Variants in HCRTR2 observed in about 807,000 individuals in gnomAD.
The protein encoded by HCRTR2 is hypocretin receptor 2, also known as orexin receptor type 2.
HCRTR2 carries 22 observed loss-of-function variants against 49.0 expected under a neutral mutation model. That is an observed-to-expected ratio of 0.45 (90% CI 0.32 to 0.64). The LOEUF is 0.64. HCRTR2 is among the 30% of genes least tolerant of loss of function. The probability of loss-of-function intolerance (pLI) is 0.04; values close to 1 mark genes in which losing one functional copy is unlikely to be tolerated. For missense variants in HCRTR2, 491 were observed against 559.4 expected (o/e 0.88, Z 1.23); for synonymous variants, 236 against 205.3 (o/e 1.15, Z -1.28).
intron 1 of HCRTR2, among the ~76,000 whole-genome samples, chr6:55,130,506 T>A (rs1204489081): frequency 6.6e-6 from 1 of 151,854 alleles, no homozygotes; most frequent in Non-Finnish European, 1.5e-5. Context: ...ACATGGGCTA[T>A]GGGTTGTCTT....
intron 1 of HCRTR2, among the ~76,000 whole-genome samples, chr6:55,212,048 A>T (rs1482760644): frequency 6.6e-6 from 1 of 152,184 alleles, no homozygotes; most frequent in Non-Finnish European, 1.5e-5. Flanking sequence ...ACATTAATAA[A>T]CACACACACA....
chr6:55,236,984 C>T (rs1033486430), intron 1 of HCRTR2, among the ~76,000 whole-genome samples: 1 of 152,120 alleles, frequency 6.6e-6, no homozygotes, highest in African/African-American at 2.4e-5. Context: ...GTTATGCACA[C>T]TCTTCTGCAT....
intron 1 of HCRTR2, among the ~76,000 whole-genome samples, chr6:55,186,615 G>T (rs1765220622): frequency 6.6e-6 from 1 of 152,122 alleles, no homozygotes; most frequent in South Asian, 2.1e-4. Context: ...CTATATTTCT[G>T]CAATAACTGA....
At chr6:55,149,396 A>G (rs931747922) in intron 1 of HCRTR2, among the ~76,000 whole-genome samples, 5 of 152,098 alleles carry the variant, frequency 3.3e-5, no homozygotes, top group Non-Finnish European at 5.9e-5. Flanking sequence ...ACTCTTTCCA[A>G]CAAGTGAAAG....
At position 55,145,402 on chromosome 6, in the gene HCRTR2, T is replaced by TTTG. The variant is rs1298089482; in HGVS notation, c.-377-28806_-377-28804dup. The stretch of plus-strand genomic sequence containing the variant: ...TCTCATAACATTCTTTGTTTTTTTT[T>TTTG]TTGTTTTTTTGTTTGTTTTTTTTTT... On this transcript the variant is annotated intron_variant, in intron 1 of 7. Transcript: ENST00000615358. Among the ~76,000 whole-genome samples, 20 of 118,934 alleles carry TTTG rather than the reference T, an allele frequency of 1.7e-4. 1 individual carries two copies. In the South Asian group the frequency reaches 5.3e-3, roughly 31 times the overall value. The allele number at this position is 118,934 out of a possible 152,430, so 78.0% of individuals were successfully genotyped here. A position where few individuals can be genotyped will look rare whatever the true frequency, so the allele number is the denominator to read the frequency against.
intron 1 of HCRTR2, among the ~76,000 whole-genome samples, chr6:55,137,662 AG>A (rs1319785061): frequency 6.6e-6 from 1 of 152,136 alleles, no homozygotes; most frequent in Non-Finnish European, 1.5e-5. Flanking sequence ...GTGGAAAAAG[AG>A]TGATCTGTAG....
intron 1 of HCRTR2, among the ~76,000 whole-genome samples, chr6:55,121,633 C>T (rs886562418): frequency 9.9e-5 from 15 of 152,054 alleles, no homozygotes; most frequent in African/African-American, 3.4e-4. Flanking sequence ...GAGATATGTC[C>T]CATCAATACC....
intron 4 of HCRTR2, among the ~76,000 whole-genome samples, chr6:55,276,857 A>T (rs1767085730): frequency 1.3e-5 from 2 of 152,208 alleles, no homozygotes; most frequent in Non-Finnish European, 2.9e-5. Context: ...ATATCCTTTC[A>T]TTCAAAGGTT....
intron 3 of HCRTR2, among the ~76,000 whole-genome samples, chr6:55,262,606 A>C (rs1003150626): frequency 7.4e-6 from 1 of 135,960 alleles, no homozygotes; most frequent in African/African-American, 2.7e-5. Context: ...TAATATATGA[A>C]TATATCTAAT....
chr6:55,279,519 T>TAACACACACACACACA (rs2127333382), intron 5 of HCRTR2, among the ~76,000 whole-genome samples: 1 of 51,640 alleles, frequency 1.9e-5, no homozygotes, highest in East Asian at 4.8e-4. Flanking sequence ...CTTCTTGCTG[T>TAACACACACACACACA]AACACACACA....
chr6:55,271,606 A>G (rs1477897032), intron 4 of HCRTR2, among the ~76,000 whole-genome samples: 2 of 152,114 alleles, frequency 1.3e-5, no homozygotes, highest in African/African-American at 4.8e-5. Flanking sequence ...GCCCATATAA[A>G]TGCAGAAAAT....
chr6:55,163,597 C>T (rs1027937040), intron 1 of HCRTR2, among the ~76,000 whole-genome samples: 3 of 152,160 alleles, frequency 2.0e-5, no homozygotes, highest in African/African-American at 4.8e-5. Flanking sequence ...AACGGGACTC[C>T]TCCCTTACAC....
At chr6:55,192,404 C>CGT (rs1157048528) in intron 1 of HCRTR2, among the ~76,000 whole-genome samples, 20 of 105,438 alleles carry the variant, frequency 1.9e-4, no homozygotes, top group East Asian at 6.3e-4. Context: ...CACACACACG[C>CGT]GCGCGCGCGC....
At chr6:55,146,822 T>TAAA (rs1764586624) in intron 1 of HCRTR2, among the ~76,000 whole-genome samples, 1 of 152,174 alleles carries the variant, frequency 6.6e-6, no homozygotes, top group Non-Finnish European at 1.5e-5. Flanking sequence ...TGTTTCTGCT[T>TAAA]ATCTAGCAAG....
chr6:55,147,332 C>A (rs1764608709), intron 1 of HCRTR2, among the ~76,000 whole-genome samples: 1 of 151,928 alleles, frequency 6.6e-6, no homozygotes, highest in African/African-American at 2.4e-5. Flanking sequence ...AGTGAATGTA[C>A]AAGGGGAATA....
intron 1 of HCRTR2, among the ~76,000 whole-genome samples, chr6:55,247,751 T>C (rs1766473897): frequency 6.6e-6 from 1 of 152,122 alleles, no homozygotes; most frequent in African/African-American, 2.4e-5. Context: ...TCTTTTGAAC[T>C]GGGGATATAC....
chr6:55,196,150 T>C (rs1219246568), intron 1 of HCRTR2, among the ~76,000 whole-genome samples: 1 of 152,210 alleles, frequency 6.6e-6, no homozygotes, highest in Admixed American at 6.5e-5. Flanking sequence ...TACACTCCTG[T>C]TTCTTCACAT....
intron 1 of HCRTR2, among the ~76,000 whole-genome samples, chr6:55,234,593 A>G (rs1766179419): frequency 6.6e-6 from 1 of 152,182 alleles, no homozygotes; most frequent in African/African-American, 2.4e-5. Context: ...AGCCCTAGAG[A>G]GTAATGTTCA....
At chr6:55,209,534 A>G (rs1030126802) in intron 1 of HCRTR2, among the ~76,000 whole-genome samples, 1 of 152,176 alleles carries the variant, frequency 6.6e-6, no homozygotes, top group Non-Finnish European at 1.5e-5. Context: ...CAGACAATCA[A>G]TTATGAAGAA....
Sources: allele counts gnomAD v4.1 joint callset (sites outside exome capture counted in the v4.1 genomes callset), GRCh38; gene constraint gnomAD v4.1.1; transcripts MANE v1.5; gene names NCBI Gene and HGNC (gene_info 2026-07-23, HGNC 2026-07-21).